Variants in PACS2 observed in about 807,000 individuals in gnomAD.
The protein encoded by PACS2 is phosphofurin acidic cluster sorting protein 2.
PACS2 carries 36 observed loss-of-function variants against 113.0 expected under a neutral mutation model. The ratio of observed to expected loss-of-function variants is 0.32; its 90% CI spans 0.24 to 0.42. PACS2 has a LOEUF of 0.42. Among genes scored for constraint, PACS2 ranks in the 10% least tolerant of loss-of-function variants. The probability of loss-of-function intolerance (pLI) is 1.00; values close to 1 mark genes in which losing one functional copy is unlikely to be tolerated. For synonymous variants in PACS2, 589 were observed against 536.1 expected, an observed-to-expected ratio of 1.10 and a Z score of -1.36; for missense variants, 1,015 against 1,239.5, an observed-to-expected ratio of 0.82 and a Z score of 2.72.
intron 12 of PACS2, 115 bp downstream of exon 12, chr14:105,381,214 T>C: frequency 1.2e-6 from 1 of 832,376 alleles, no homozygotes; most frequent in South Asian, 2.0e-5. Context: ...CTCCCTCGGG[T>C]GTAGACAGCA....
At chr14:105,385,443 C>T (rs1371586240) in intron 18 of PACS2, among the ~76,000 whole-genome samples, 1 of 152,214 alleles carries the variant, frequency 6.6e-6, no homozygotes, top group Non-Finnish European at 1.5e-5. Flanking sequence ...GGCCGAAAGT[C>T]CTGCGGAGAC....
At chr14:105,378,778 T>G (rs1555411140) in intron 9 of PACS2, among the ~76,000 whole-genome samples, 2 of 152,254 alleles carry the variant, frequency 1.3e-5, no homozygotes, top group Non-Finnish European at 2.9e-5. Flanking sequence ...TCCTCCTTTT[T>G]CTTCGTACAT....
Position 105,369,895 on chromosome 14 carries a change from G to C in PACS2, c.796G>C (p.Asp266His). The change falls in exon 8 of 25, where the codon GAC becomes CAC. Residue 266 changes from aspartate to histidine, a missense_variant. Asp to His is a moderately conservative substitution (Grantham distance 81). This residue lies in a region of PACS2 where 859 missense variants were observed against 1,056.8 expected (regional missense o/e 0.81). Coordinates refer to ENST00000447393, the MANE Select transcript of PACS2 (RefSeq NM_001100913.3). ...GCTGCTGCGGAGGTTCAAAGTGTCC[G>C]ACGAGGTGAGTGCGCCGCGCCTTCT... ...VALLRRFKVS[D>H]EVLDSEQDPA... The C allele has an allele frequency of 1.9e-6, 3 of 1,602,172 alleles. No individual in the cohort carries two copies. Among genetic ancestry groups the C allele is most frequent in the African/African-American group, 1.3e-5 (1 of 74,948 alleles).
intron 8 of PACS2, among the ~76,000 whole-genome samples, chr14:105,375,579 A>G (rs1245471042): frequency 6.6e-6 from 1 of 152,100 alleles, no homozygotes; most frequent in African/African-American, 2.4e-5. Context: ...GATCATTATC[A>G]CTGGTCATTA....
chr14:105,313,540 C>T (rs895125360), upstream of PACS2, among the ~76,000 whole-genome samples: 1 of 152,236 alleles, frequency 6.6e-6, no homozygotes, highest in Non-Finnish European at 1.5e-5. Flanking sequence ...GTTCTAGATA[C>T]AGGAGTTACA....
intron 1 of PACS2, among the ~76,000 whole-genome samples, chr14:105,328,078 C>T (rs1302999032): frequency 6.6e-6 from 1 of 152,272 alleles, no homozygotes; most frequent in Admixed American, 6.5e-5. Flanking sequence ...CCAGGCCCTG[C>T]AGTGGTTCCA....
At chr14:105,345,763 A>G (rs963896035) in intron 1 of PACS2, among the ~76,000 whole-genome samples, 4 of 152,172 alleles carry the variant, frequency 2.6e-5, no homozygotes, top group East Asian at 1.9e-4. Context: ...CCTATGGTCT[A>G]TCTTGGTTCA....
intron 1 of PACS2, among the ~76,000 whole-genome samples, chr14:105,335,143 T>A (rs919997511): frequency 6.6e-6 from 1 of 152,248 alleles, no homozygotes; most frequent in African/African-American, 2.4e-5. Context: ...TGCCACAGGC[T>A]GACTGGAATG....
chr14:105,310,297 G>C (rs1427278135), upstream of PACS2, among the ~76,000 whole-genome samples: 1 of 151,170 alleles, frequency 6.6e-6, no homozygotes, highest in Non-Finnish European at 1.5e-5. Context: ...TTGGGAGGTC[G>C]AGGCGGGCGG....
intron 20 of PACS2, 124 bp from the exon 21 acceptor site, chr14:105,391,083 A>G (rs587706299): frequency 6.8e-6 from 5 of 730,498 alleles, no homozygotes; most frequent in East Asian, 2.5e-5. Context: ...GGGAGCTGGC[A>G]CCACCTGGCC....
chr14:105,360,232 ATACAT>A (rs2060626852), intron 4 of PACS2, among the ~76,000 whole-genome samples: 3 of 152,198 alleles, frequency 2.0e-5, no homozygotes, highest in Admixed American at 1.3e-4. Flanking sequence ...AAATATATAC[ATACAT>A]TAATTTTAAA....
chr14:105,335,080 G>A (rs1253651203), intron 1 of PACS2, among the ~76,000 whole-genome samples: 3 of 152,258 alleles, frequency 2.0e-5, no homozygotes, highest in African/African-American at 7.2e-5. Context: ...TCTGAGGACA[G>A]GGCCTCCTGA....
rs587710474 is a variant in PACS2, at chr14:105,323,327, G to A, written c.119+8290G>A. ...CACATCCATAGATGCACTGGGTGGT[G>A]TCAGTGGGCGGCGGCTGGCTGGGGC... On this transcript the variant is annotated intron_variant, in intron 1 of 24. Coordinates refer to ENST00000447393, the MANE Select transcript of PACS2 (RefSeq NM_001100913.3). The surrounding 1 kb of genome is among the most constrained non-coding windows in gnomAD (Gnocchi z 4.1). Among the ~76,000 whole-genome samples, 1 of 152,350 alleles carries A rather than the reference G, an allele frequency of 6.6e-6. No individual in the cohort carries two copies. Among genetic ancestry groups the A allele is most frequent in the East Asian group, 1.9e-4 (1 of 5,180 alleles).
In PACS2 at chr14:105,383,422, C is replaced by T. The variant is rs782213589; in HGVS notation, c.1689C>T (p.Tyr563=). The change falls in exon 16 of 25, where the codon TAC becomes TAT. Residue 563 remains tyrosine, a synonymous_variant. Coordinates refer to ENST00000447393, the MANE Select transcript of PACS2 (RefSeq NM_001100913.3). Reference sequence around the variant, plus strand: ...TCGCCGTGGCGGGAGCGCAGCATTACCTCAGTGCCATCCTGCGGCTCTTTG... The same window carrying T: ...TCGCCGTGGCGGGAGCGCAGCATTATCTCAGTGCCATCCTGCGGCTCTTTG... ...VKIAVAGAQH[Y]LSAILRLFVE... The T allele has an allele frequency of 6.2e-7, 1 of 1,609,184 alleles. No homozygotes were observed. Among genetic ancestry groups the T allele is most frequent in the South Asian group, 1.1e-5 (1 of 91,050 alleles).
At chr14:105,390,106 C>T in intron 20 of PACS2, 103 bp downstream of exon 20, 1 of 1,023,316 alleles carries the variant, frequency 9.8e-7, no homozygotes, top group Non-Finnish European at 1.6e-6. Flanking sequence ...CCAGAACCTT[C>T]CCACAGATAC....
In PACS2 at chr14:105,392,084, G is replaced by A. The variant is rs587594495; in HGVS notation, c.2255+318G>A. ...GCTGAGGGCAGAAGGTGCAAGAGAC[G>A]TGAGTCTCTAGACGGTCCTCATGGG... On this transcript the variant is annotated intron_variant, in intron 22 of 24. Transcript: ENST00000447393. The A allele has an allele frequency of 1.4e-4, 60 of 417,556 alleles. No individual in the cohort carries two copies. In the South Asian group the frequency reaches 1.9e-3, roughly 13 times the overall value. 25.9% of individuals were successfully genotyped at this position (417,556 alleles called of 1,614,324 possible).
At chr14:105,318,140 T>A (rs2058743597) in intron 1 of PACS2, among the ~76,000 whole-genome samples, 3 of 152,210 alleles carry the variant, frequency 2.0e-5, no homozygotes, top group Non-Finnish European at 4.4e-5. Flanking sequence ...TTTGTTTTTA[T>A]TTATGTATTT....
In PACS2 at chr14:105,376,383, C is replaced by T. The variant is rs868996372; in HGVS notation, c.802-385C>T. Among the ~76,000 whole-genome samples, 17 of 152,100 alleles carry T rather than the reference C, an allele frequency of 1.1e-4. No homozygotes were observed. Among genetic ancestry groups the T allele is most frequent in the South Asian group, 4.2e-4 (2 of 4,810 alleles). Reference sequence around the variant, plus strand: ...CAGGGCCTGGGGCTGAGGGAGGGGACGCACTAGAGGAAGGCAAAGGGGAGC... The same window carrying T: ...CAGGGCCTGGGGCTGAGGGAGGGGATGCACTAGAGGAAGGCAAAGGGGAGC... On this transcript the variant is annotated intron_variant, in intron 8 of 24. Coordinates refer to ENST00000447393, the MANE Select transcript of PACS2 (RefSeq NM_001100913.3). The surrounding 1 kb of genome is among the most constrained non-coding windows in gnomAD (Gnocchi z 4.7).
At chr14:105,369,710 G>T in intron 7 of PACS2, 131 bp from the exon 8 acceptor site, 1 of 702,772 alleles carries the variant, frequency 1.4e-6, no homozygotes, top group Non-Finnish European at 2.4e-6. Flanking sequence ...GAATCCATCA[G>T]CGTGGCTGGT....
Sources: allele counts gnomAD v4.1 joint callset (sites outside exome capture counted in the v4.1 genomes callset), GRCh38; gene constraint gnomAD v4.1.1; regional missense constraint gnomAD v4.1.1; non-coding constraint Gnocchi (gnomAD v3.1); transcripts MANE v1.5; gene names NCBI Gene and HGNC (gene_info 2026-07-23, HGNC 2026-07-21).